Variants in KCNJ14 observed in about 807,000 individuals in gnomAD.
KCNJ14 encodes potassium inwardly rectifying channel subfamily J member 14.
A neutral mutation model predicts 24.5 loss-of-function variants in KCNJ14; 18 were observed. That is an observed-to-expected ratio of 0.74 (90% CI 0.51 to 1.09). The LOEUF is 1.09. KCNJ14 is among the 50% of genes least tolerant of loss of function. KCNJ14 has a pLI of 0.00. For synonymous variants in KCNJ14, 288 were observed against 270.8 expected (o/e 1.06, Z -0.63); for missense variants, 633 against 623.0 (o/e 1.02, Z -0.17).
chr19:48,457,727 G>A (rs950993609), intron 1 of KCNJ14, among the ~76,000 whole-genome samples: 3 of 151,486 alleles, frequency 2.0e-5, no homozygotes, highest in South Asian at 2.1e-4. Flanking sequence ...GCCCAAGCTC[G>A]AGTGCACTCG....
At position 48,465,653 on chromosome 19, in the gene KCNJ14, A is replaced by G. The variant is rs149803097; in HGVS notation, c.*876A>G. 251 of 152,668 alleles carry G rather than the reference A, an allele frequency of 1.6e-3. 1 individual carries two copies. Among genetic ancestry groups the G allele is most frequent in the African/African-American group, 5.8e-3 (242 of 41,528 alleles). The allele number at this position is 152,668 out of a possible 1,614,324, so 9.5% of individuals were successfully genotyped here. The stretch of plus-strand genomic sequence containing the variant: ...TTTAAAGTGCCATTCTAGAATGTCC[A>G]AAGGGAATCAGGATTCTGTGGCTGT... On this transcript the variant is annotated 3_prime_UTR_variant, in exon 3 of 3. Coordinates refer to ENST00000342291, the MANE Select transcript of KCNJ14 (RefSeq NM_013348.4).
In KCNJ14 at chr19:48,466,436, A is replaced by G. The variant is rs1971655535; in HGVS notation, c.*1659A>G. 6.6e-6 allele frequency: 1 copy of G among 152,024 alleles called. No individual in the cohort carries two copies. The highest frequency in any genetic ancestry group is 1.5e-5 in the Non-Finnish European group (1 of 68,028). 9.4% of individuals were successfully genotyped at this position (152,024 alleles called of 1,614,324 possible). ...TGTATATTATATATATGTAATATAAATACAGATATCTATCTATTTTTTCCC... is the reference window on the plus strand; with the variant it reads ...TGTATATTATATATATGTAATATAAGTACAGATATCTATCTATTTTTTCCC... On this transcript the variant is annotated 3_prime_UTR_variant, in exon 3 of 3. Transcript: ENST00000342291.
chr19:48,461,844 G>A lies in KCNJ14; in HGVS notation c.120G>A (p.Pro40=), dbSNP rs1971601218. 1 of 1,533,250 alleles carries A rather than the reference G, an allele frequency of 6.5e-7. No homozygotes were observed. The highest frequency in any genetic ancestry group is 1.2e-5 in the South Asian group (1 of 80,992). The allele number at this position is 1,533,250 out of a possible 1,614,324, so 95.0% of individuals were successfully genotyped here. ...GLCRNGWAPA[P]VQSPVGRRRG... is the part of the protein sequence containing the mutation. ...GCCGCAACGGGTGGGCGCCGGCACC[G>A]GTGCAGTCACCCGTGGGCCGGCGCC... Residue 40 remains proline, a synonymous_variant, in exon 2 of 3, where the codon CCG becomes CCA. Transcript: ENST00000342291.
chr19:48,464,642 T>G lies in KCNJ14; in HGVS notation c.1176T>G (p.Asn392Lys), dbSNP rs1971638064. The G allele has an allele frequency of 6.2e-7, 1 of 1,614,110 alleles. No individual in the cohort carries two copies. Among genetic ancestry groups the G allele is most frequent in the Non-Finnish European group, 8.5e-7 (1 of 1,180,024 alleles). The change falls in exon 3 of 3, where the codon AAT becomes AAG. Residue 392 changes from asparagine to lysine, a missense_variant. By Grantham distance (94) the Asn-to-Lys change is moderately conservative (BLOSUM62 0). Transcript: ENST00000342291. ...CTCTGACTGCATTTTGTTATGAGAA[T>G]GAACTTGCTCTGAGCTGCTGCCAGG... The part of the protein sequence containing the change: ...PGSLTAFCYE[N>K]ELALSCCQEE...
chr19:48,460,183 T>G (rs949033706), intron 1 of KCNJ14, among the ~76,000 whole-genome samples: 4 of 152,144 alleles, frequency 2.6e-5, no homozygotes, highest in African/African-American at 9.7e-5. Context: ...GCATGGACCC[T>G]GGAGCTGGAT....
Position 48,462,529 on chromosome 19 carries a change from G to A in KCNJ14, c.714+91G>A, listed in dbSNP as rs1014141644. 2 of 1,004,182 alleles carry A rather than the reference G, an allele frequency of 2.0e-6. No individual in the cohort carries two copies. Among genetic ancestry groups the A allele is most frequent in the Non-Finnish European group, 2.8e-6 (2 of 710,076 alleles). The allele number at this position is 1,004,182 out of a possible 1,614,324, so 62.2% of individuals were successfully genotyped here. ...AGGGCGAGGGGCGTGCGGTCCTGGAGGGGGCGTGGACTACAACTCCCAGCA... is the reference window on the plus strand; with the variant it reads ...AGGGCGAGGGGCGTGCGGTCCTGGAAGGGGCGTGGACTACAACTCCCAGCA... On this transcript the variant is annotated intron_variant, in intron 2 of 2. Coordinates refer to ENST00000342291, the MANE Select transcript of KCNJ14 (RefSeq NM_013348.4). The surrounding 1 kb of genome is among the most constrained non-coding windows in gnomAD (Gnocchi z 4.9).
rs1351189829 is a variant in KCNJ14 at position 48,464,170 on chromosome 19, T to G, written c.715-11T>G. ...TCCCTGCTGTCTTTGGCTCCTCGCCTCCTGCTGCAGCCCCGTGTGACCCCA... is the reference window on the plus strand; with the variant it reads ...TCCCTGCTGTCTTTGGCTCCTCGCCGCCTGCTGCAGCCCCGTGTGACCCCA... On this transcript the variant is annotated splice_polypyrimidine_tract_variant and intron_variant, in intron 2 of 2. Coordinates refer to ENST00000342291, the MANE Select transcript of KCNJ14 (RefSeq NM_013348.4). The G allele has an allele frequency of 6.2e-7, 1 of 1,602,986 alleles. No homozygotes were observed. Among genetic ancestry groups the G allele is most frequent in the Non-Finnish European group, 8.5e-7 (1 of 1,170,070 alleles).
At chr19:48,461,382 A>C in intron 1 of KCNJ14, 1 of 216,182 alleles carries the variant, frequency 4.6e-6, no homozygotes, top group Non-Finnish European at 8.9e-6. Context: ...AAAATTACCC[A>C]GGAGTGGTGG....
chr19:48,459,836 C>T (rs1246487345), intron 1 of KCNJ14, among the ~76,000 whole-genome samples: 1 of 151,992 alleles, frequency 6.6e-6, no homozygotes, highest in Non-Finnish European at 1.5e-5. Flanking sequence ...CAAGACCAGC[C>T]TGGCCAACAT....
chr19:48,461,968 G>A lies in KCNJ14; in HGVS notation c.244G>A (p.Val82Met). The A allele has an allele frequency of 6.2e-7, 1 of 1,613,148 alleles. No individual in the cohort carries two copies. The highest frequency in any genetic ancestry group is 8.5e-7 in the Non-Finnish European group (1 of 1,179,682). The change falls in exon 2 of 3, where the codon GTG becomes ATG. Residue 82 changes from valine (V) to methionine (M), a missense_variant. Val to Met is a conservative substitution (Grantham distance 21). Transcript: ENST00000342291. Reference sequence around the variant, plus strand: ...CCTGAGCGACCTGTTCACCACATGCGTGGACGTGCGCTGGCGCTGGATGTG... The same window carrying A: ...CCTGAGCGACCTGTTCACCACATGCATGGACGTGCGCTGGCGCTGGATGTG... ...RYLSDLFTTC[V>M]DVRWRWMCLL...
At chr19:48,461,562 C>A in intron 1 of KCNJ14, 108 bp from the exon 2 acceptor site, 1 of 382,736 alleles carries the variant, frequency 2.6e-6, no homozygotes, top group Non-Finnish European at 4.4e-6. Flanking sequence ...GCGTATCGTT[C>A]CACCTATTTG....
Position 48,465,926 on chromosome 19 carries a change from T to A in KCNJ14, c.*1149T>A, listed in dbSNP as rs1482858578. On this transcript the variant is annotated 3_prime_UTR_variant, in exon 3 of 3. Transcript: ENST00000342291. ...TGGACTCAGGACTTCAGAAGCAACA[T>A]TTCTGGCCTGACCTGGAAGGTGAAG... 2 of 152,562 alleles carry A rather than the reference T, an allele frequency of 1.3e-5. No homozygotes were observed. Among genetic ancestry groups the A allele is most frequent in the Admixed American group, 1.3e-4 (2 of 15,266 alleles). The allele number at this position is 152,562 out of a possible 1,614,324, so 9.5% of individuals were successfully genotyped here. A position where few individuals can be genotyped will look rare whatever the true frequency, so the allele number is the denominator to read the frequency against.
At position 48,464,561 on chromosome 19, in the gene KCNJ14, G is replaced by GCTGGATGAA; in HGVS notation, c.1097_1105dup (p.Leu366_Glu368dup). 1 of 1,614,154 alleles carries GCTGGATGAA rather than the reference G, an allele frequency of 6.2e-7. No homozygotes were observed. Reference sequence around the variant, plus strand: ...GGACACCGGTCTGCAGTGCTAAGGAGCTGGATGAACGGGCAGAGCAGGCTT... The same window carrying GCTGGATGAA: ...GGACACCGGTCTGCAGTGCTAAGGAGCTGGATGAACTGGATGAACGGGCAGAGCAGGCTT... On this transcript the variant is annotated inframe_insertion, in exon 3 of 3. Coordinates refer to ENST00000342291, the MANE Select transcript of KCNJ14 (RefSeq NM_013348.4).
At chr19:48,461,528 C>CAAAA in intron 1 of KCNJ14, 142 bp from the exon 2 acceptor site, 5 of 165,546 alleles carry the variant, frequency 3.0e-5, no homozygotes, top group African/African-American at 9.6e-5. Flanking sequence ...ACTCTGTCTC[C>CAAAA]AAAAAAAAAA....
rs1008045634 is a variant in KCNJ14 at position 48,465,959 on chromosome 19, T to G, written c.*1182T>G. ...CTGACCTGGAAGGTGAAGGTGAAGG[T>G]GAGACCCTGTAGGGCACAGGGCTAA... On this transcript the variant is annotated 3_prime_UTR_variant, in exon 3 of 3. Coordinates refer to ENST00000342291, the MANE Select transcript of KCNJ14 (RefSeq NM_013348.4). 6.6e-6 allele frequency: 1 copy of G among 152,634 alleles called. No individual in the cohort carries two copies. The highest frequency in any genetic ancestry group is 2.4e-5 in the African/African-American group (1 of 41,538). The allele number at this position is 152,634 out of a possible 1,614,324, so 9.5% of individuals were successfully genotyped here. A position where few individuals can be genotyped will look rare whatever the true frequency, so the allele number is the denominator to read the frequency against.
Position 48,461,550 on chromosome 19 carries a change from A to AAAAAAAAAAG in KCNJ14, c.-55-120_-55-119insAAAAAAAAAG, listed in dbSNP as rs370425889. On this transcript the variant is annotated intron_variant, in intron 1 of 2. Transcript: ENST00000342291. ...CTCCAAAAAAAAAAAAAAAAAAAAA[A>AAAAAAAAAAG]TGCGTATCGTTCCACCTATTTGACA... 291 of 351,334 alleles carry AAAAAAAAAAG rather than the reference A, an allele frequency of 8.3e-4. 31 individuals are homozygous for AAAAAAAAAAG. Among genetic ancestry groups the AAAAAAAAAAG allele is most frequent in the African/African-American group, 6.8e-3 (221 of 32,678 alleles). The allele number at this position is 351,334 out of a possible 1,614,324, so 21.8% of individuals were successfully genotyped here.
Position 48,464,410 on chromosome 19 carries a change from A to T in KCNJ14, c.944A>T (p.Gln315Leu). ...GTTGAGGCCACAGCCATGACCACAC[A>T]GTGTCGCTCGTCCTACCTCCCTGGT... ...GMVEATAMTT[Q>L]CRSSYLPGEL... Residue 315 changes from glutamine to leucine, a missense_variant, in exon 3 of 3, where the codon CAG becomes CTG. Physicochemically the swap from Gln to Leu is moderately radical, Grantham distance 113. Transcript: ENST00000342291. 1 of 1,613,570 alleles carries T rather than the reference A, an allele frequency of 6.2e-7. No individual in the cohort carries two copies. Among genetic ancestry groups the T allele is most frequent in the Non-Finnish European group, 8.5e-7 (1 of 1,179,830 alleles).
chr19:48,463,778 T>G lies in KCNJ14; in HGVS notation c.715-403T>G, dbSNP rs143987380. Among the ~76,000 whole-genome samples the G allele has an allele frequency of 2.0e-3, 304 of 152,350 alleles. 2 individuals are homozygous for G. The highest frequency in any genetic ancestry group is 6.8e-3 in the African/African-American group (282 of 41,568). On this transcript the variant is annotated intron_variant, in intron 2 of 2. Coordinates refer to ENST00000342291, the MANE Select transcript of KCNJ14 (RefSeq NM_013348.4). ...CCTTATTTTCCGTTGTCGCTTTGAT[T>G]TCATCTCTGTCTTGCTGATTTCTGT... is the stretch of plus-strand genomic sequence containing the variant.
Position 48,462,229 on chromosome 19 carries a change from C to A in KCNJ14, c.505C>A (p.Gln169Lys). 6.4e-7 allele frequency: 1 copy of A among 1,550,600 alleles called. No individual in the cohort carries two copies. The highest frequency in any genetic ancestry group is 8.7e-7 in the Non-Finnish European group (1 of 1,146,726). ...GGCCGCTGTGGCCGCCGTGGTGCTG[C>A]AGTGCATTGCCGGCTGCGTGCTCGA... ...CPAAVAAVVL[Q>K]CIAGCVLDAF... The change falls in exon 2 of 3, where the codon CAG becomes AAG. Residue 169 changes from glutamine (Q) to lysine (K), a missense_variant. Gln to Lys is a moderately conservative substitution (Grantham distance 53, BLOSUM62 1). Transcript: ENST00000342291. The surrounding 1 kb of genome is among the most constrained non-coding windows in gnomAD (Gnocchi z 4.9).
Sources: gnomAD v4.1 joint callset for allele counts (sites outside exome capture counted in the v4.1 genomes callset) on GRCh38, gnomAD v4.1.1 for gene constraint, Gnocchi (gnomAD v3.1) non-coding constraint, MANE v1.5 for transcripts, NCBI Gene and HGNC (gene_info 2026-07-23, HGNC 2026-07-21) for gene names.